The following REPS2 variants were observed in gnomAD, a reference collection of about 807,000 sequenced individuals.
REPS2 encodes the protein RALBP1 associated Eps domain containing 2.
REPS2 carries 23 observed loss-of-function variants against 53.6 expected under a neutral mutation model. That is an observed-to-expected ratio of 0.43 (90% CI 0.31 to 0.61). The LOEUF (loss-of-function observed/expected upper bound fraction) is 0.61, where lower values mean the gene tolerates loss of function less well. REPS2 is among the 20% of genes least tolerant of loss of function. The pLI is 0.11. For missense variants in REPS2, 446 were observed against 534.9 expected (o/e 0.83, Z 1.64); for synonymous variants, 238 against 218.6 (o/e 1.09, Z -0.78).
intron 5 of REPS2, among the ~76,000 whole-genome samples, chrX:17,039,524 A>G (rs2061805591): frequency 8.9e-6 from 1 of 112,235 alleles, no homozygotes; most frequent in Admixed American, 9.4e-5. Flanking sequence ...AAACTAGATG[A>G]TGGGGAGGAA....
At position 16,947,063 on chromosome X, in the gene REPS2, G is replaced by A. The variant is rs1569080372; in HGVS notation, c.202G>A (p.Ala68Thr). The A allele has an allele frequency of 3.8e-6, 4 of 1,050,365 alleles. No individual in the cohort carries two copies. The highest frequency in any genetic ancestry group is 2.6e-5 in the South Asian group (1 of 38,184). 86.6% of individuals were successfully genotyped at this position (1,050,365 alleles called of 1,213,427 possible). Residue 68 changes from alanine (A) to threonine (T), a missense_variant, in exon 1 of 18, where the codon GCC becomes ACC. Coordinates refer to ENST00000357277, the MANE Select transcript of REPS2 (RefSeq NM_004726.3). ...PEAARVAPGT[A>T]TAAAGPVADL... is the part of the protein sequence containing the mutation. Reference sequence around the variant, plus strand: ...GGCCGCCAGAGTCGCCCCCGGCACGGCCACTGCGGCCGCCGGCCCCGTGGC... The same window carrying A: ...GGCCGCCAGAGTCGCCCCCGGCACGACCACTGCGGCCGCCGGCCCCGTGGC...
chrX:17,133,979 G>A, intron 15 of REPS2, 72 bp downstream of exon 15: 1 of 748,369 alleles, frequency 1.3e-6, no homozygotes, highest in South Asian at 2.2e-5. Flanking sequence ...TCTATTAGCT[G>A]ATCTATTGTT....
At chrX:17,164,118 A>T in the REPS2 span, among the ~76,000 whole-genome samples, 2 of 112,185 alleles carry the variant, frequency 1.8e-5, no homozygotes, top group Non-Finnish European at 3.8e-5. Context: ...TTGTGAAACT[A>T]GATTTTTATA....
intron 13 of REPS2, among the ~76,000 whole-genome samples, chrX:17,091,742 A>G (rs1456377705): frequency 9.0e-6 from 1 of 111,037 alleles, no homozygotes; most frequent in Non-Finnish European, 1.9e-5. Flanking sequence ...TGTATATGAC[A>G]TACATGTCCA....
chrX:16,961,908 C>T (rs1250263628), intron 1 of REPS2, among the ~76,000 whole-genome samples: 1 of 111,869 alleles, frequency 8.9e-6, no homozygotes, highest in East Asian at 2.8e-4. Flanking sequence ...TATCACTAAT[C>T]ATAAGGGAAA....
At chrX:17,098,111 C>T (rs1464842251) in intron 13 of REPS2, among the ~76,000 whole-genome samples, 2 of 111,342 alleles carry the variant, frequency 1.8e-5, no homozygotes, top group African/African-American at 6.5e-5. Context: ...AGGTCTCACT[C>T]ATGAAGATAG....
chrX:17,188,331 C>T, the REPS2 span, among the ~76,000 whole-genome samples: 1 of 112,178 alleles, frequency 8.9e-6, no homozygotes, highest in Non-Finnish European at 1.9e-5. Flanking sequence ...GTGAAGGTCT[C>T]CTGGTGCTGG....
the REPS2 span, among the ~76,000 whole-genome samples, chrX:17,178,626 G>A: frequency 2.7e-5 from 3 of 111,604 alleles, no homozygotes; most frequent in Non-Finnish European, 5.6e-5. Context: ...CCACAGACAG[G>A]GGCTCTTGAA....
At chrX:16,997,063 CA>C (rs1279994669) in intron 1 of REPS2, among the ~76,000 whole-genome samples, 4 of 112,148 alleles carry the variant, frequency 3.6e-5, no homozygotes, top group African/African-American at 1.3e-4. Context: ...TCTGAGTTGC[CA>C]GAACCAGTTA....
At chrX:17,173,135 C>T in the REPS2 span, among the ~76,000 whole-genome samples, 3 of 111,804 alleles carry the variant, frequency 2.7e-5, no homozygotes, top group African/African-American at 9.8e-5. Context: ...AGGCTAAAAA[C>T]AACACATATT....
chrX:17,020,181 TATA>T (rs1403343779), intron 2 of REPS2, among the ~76,000 whole-genome samples: 1 of 112,257 alleles, frequency 8.9e-6, no homozygotes, highest in Non-Finnish European at 1.9e-5. Flanking sequence ...TAAGTCCTAA[TATA>T]ATAATTGATA....
chrX:17,147,461 C>T lies in REPS2; in HGVS notation c.1963C>T (p.Arg655Cys), dbSNP rs750209945. The change falls in exon 18 of 18, where the codon CGT (arginine) becomes TGT (cysteine). Residue 655 changes from arginine to cysteine, a missense_variant. By Grantham distance (180) the Arg-to-Cys change is radical. Coordinates refer to ENST00000357277, the MANE Select transcript of REPS2 (RefSeq NM_004726.3). ...IALENQLEQL[R>C]PVTVL ...ATTGGAAAACCAATTGGAACAACTT[C>T]GTCCGGTCACTGTGTTGTGACCCCC... 4.1e-6 allele frequency: 5 copies of T among 1,205,019 alleles called. No homozygotes were observed. Among genetic ancestry groups the T allele is most frequent in the South Asian group, 1.8e-5 (1 of 56,129 alleles).
At chrX:17,106,871 A>C (rs1216782565) in intron 14 of REPS2, among the ~76,000 whole-genome samples, 1 of 112,187 alleles carries the variant, frequency 8.9e-6, no homozygotes, top group Non-Finnish European at 1.9e-5. Flanking sequence ...TGGAGGCATC[A>C]TGCTACCTGA....
At chrX:17,046,880 C>G (rs2147911763) in intron 5 of REPS2, among the ~76,000 whole-genome samples, 1 of 112,153 alleles carries the variant, frequency 8.9e-6, no homozygotes, top group Non-Finnish European at 1.9e-5. Context: ...TGAATTGGAG[C>G]TTTTGATTCC....
intron 17 of REPS2, among the ~76,000 whole-genome samples, chrX:17,144,213 C>A (rs1326807311): frequency 2.7e-5 from 3 of 112,592 alleles, no homozygotes; most frequent in Non-Finnish European, 5.6e-5. Context: ...GATATTCATT[C>A]ACTCTCCCTA....
rs748045993 is a variant in REPS2, at chrX:17,150,693, G to C, written c.*3212G>C. 1 of 111,716 alleles carries C rather than the reference G, an allele frequency of 9.0e-6. No homozygotes were observed. The highest frequency in any genetic ancestry group is 1.9e-5 in the Non-Finnish European group (1 of 53,195). 9.2% of individuals were successfully genotyped at this position (111,716 alleles called of 1,213,427 possible). A position where few individuals can be genotyped will look rare whatever the true frequency, so the allele number is the denominator to read the frequency against. On this transcript the variant is annotated 3_prime_UTR_variant, in exon 18 of 18. Coordinates refer to ENST00000357277, the MANE Select transcript of REPS2 (RefSeq NM_004726.3). ...TAGGATGTCAGAGCTGGGCAGGACT[G>C]GTACCCATCATTTGCAGTTTGCATG...
chrX:17,189,217 C>G, the REPS2 span, among the ~76,000 whole-genome samples: 1 of 111,154 alleles, frequency 9.0e-6, no homozygotes, highest in Non-Finnish European at 1.9e-5. Flanking sequence ...TGTGTATTCT[C>G]TGTATCTCTC....
rs892620151 is a variant in REPS2, at chrX:16,996,450, T to G, written c.274-9771T>G. Among the ~76,000 whole-genome samples, 4 of 111,774 alleles carry G rather than the reference T, an allele frequency of 3.6e-5. No homozygotes were observed. The Admixed American group carries it at 3.8e-4, about 11-fold the overall frequency. On this transcript the variant is annotated intron_variant, in intron 1 of 17. Transcript: ENST00000357277. ...GTCAAGAACAGGGTAGAAAGGCCCTTCCCCAGCTTTAGTGTGCCTTGGAGC... is the reference window on the plus strand; with the variant it reads ...GTCAAGAACAGGGTAGAAAGGCCCTGCCCCAGCTTTAGTGTGCCTTGGAGC...
intron 1 of REPS2, among the ~76,000 whole-genome samples, chrX:16,967,423 C>A (rs764368429): frequency 9.1e-6 from 1 of 110,084 alleles, no homozygotes; most frequent in Non-Finnish European, 1.9e-5. Context: ...TGCCTGTAAT[C>A]CCAGCATTTT....
Sources: allele counts gnomAD v4.1 joint callset (sites outside exome capture counted in the v4.1 genomes callset), GRCh38; gene constraint gnomAD v4.1.1; transcripts MANE v1.5; gene names NCBI Gene and HGNC (gene_info 2026-07-23, HGNC 2026-07-21).